Variants in EPS15 observed in about 807,000 individuals in gnomAD.
EPS15 encodes epidermal growth factor receptor pathway substrate 15, also known as epidermal growth factor receptor substrate 15.
Under a neutral mutation model 113.8 loss-of-function variants are expected in EPS15, and 72 were observed. The ratio of observed to expected loss-of-function variants is 0.63; its 90% CI spans 0.52 to 0.77. The LOEUF is 0.77. Ranked by LOEUF, EPS15 falls within the 30% of genes least tolerant of loss-of-function variation. The pLI is 0.00. For synonymous variants in EPS15, 344 were observed against 363.4 expected, an observed-to-expected ratio of 0.95 and a Z score of 0.61; for missense variants, 1,048 against 1,045.8, an observed-to-expected ratio of 1.00 and a Z score of -0.03.
At position 51,446,969 on chromosome 1, in the gene EPS15, G is replaced by A; in HGVS notation, c.788C>T (p.Ala263Val). ...LKTGLPSTLL[A>V]HIWSLCDTKD... The stretch of plus-strand genomic sequence containing the variant: ...TCAAATAAAGTCTTACCATATATGG[G>A]CTAGTAAGGTAGAAGGTAAACCTGT... Residue 263 changes from alanine (A) to valine (V), a missense_variant, in exon 10 of 25, where the codon GCC (alanine) becomes GTC (valine). Coordinates refer to ENST00000371733, the MANE Select transcript of EPS15 (RefSeq NM_001981.3). The A allele has an allele frequency of 6.2e-7, 1 of 1,609,976 alleles. No homozygotes were observed. Among genetic ancestry groups the A allele is most frequent in the Non-Finnish European group, 8.5e-7 (1 of 1,177,272 alleles).
At chr1:51,382,028 G>A (rs1360313065) in intron 21 of EPS15, among the ~76,000 whole-genome samples, 1 of 151,982 alleles carries the variant, frequency 6.6e-6, no homozygotes, top group Non-Finnish European at 1.5e-5. Flanking sequence ...TCTTTGAAAA[G>A]ATCAACAAAA....
chr1:51,409,724 AT>A, intron 13 of EPS15, 28 bp from the exon 14 acceptor site: 1 of 1,533,586 alleles, frequency 6.5e-7, no homozygotes, highest in Non-Finnish European at 8.9e-7. Flanking sequence ...TAATATATTT[AT>A]TTTCTTTGCG....
In EPS15 at chr1:51,469,065, G is replaced by C. The variant is rs113768665; in HGVS notation, c.214-497C>G. Among the ~76,000 whole-genome samples, 1,078 of 152,256 alleles carry C rather than the reference G, an allele frequency of 7.1e-3. 7 individuals carry two copies. Among genetic ancestry groups the C allele is most frequent in the African/African-American group, 0.025 (1,036 of 41,544 alleles). Reference sequence around the variant, plus strand: ...GAATCACTTGAACATGGAAGGCAGAGGTTGCAGTGAGCCGAGATCGGGCTA... The same window carrying C: ...GAATCACTTGAACATGGAAGGCAGACGTTGCAGTGAGCCGAGATCGGGCTA... On this transcript the variant is annotated intron_variant, in intron 4 of 24. Coordinates refer to ENST00000371733, the MANE Select transcript of EPS15 (RefSeq NM_001981.3).
chr1:51,495,554 AT>A (rs1352448232), intron 1 of EPS15, among the ~76,000 whole-genome samples: 1 of 152,102 alleles, frequency 6.6e-6, no homozygotes, highest in Admixed American at 6.5e-5. Flanking sequence ...TTTCAAAAAA[AT>A]CAAGTGTAAT....
chr1:51,497,697 T>C (rs1644348159), intron 1 of EPS15, among the ~76,000 whole-genome samples: 1 of 152,072 alleles, frequency 6.6e-6, no homozygotes, highest in South Asian at 2.1e-4. Flanking sequence ...AAAATTTTAG[T>C]GTGAGGTACC....
At chr1:51,500,918 A>G (rs1042185336) in intron 1 of EPS15, among the ~76,000 whole-genome samples, 23 of 151,578 alleles carry the variant, frequency 1.5e-4, no homozygotes, top group African/African-American at 5.6e-4. Flanking sequence ...CGGGAGGTGG[A>G]GGCTGAAGTG....
chr1:51,370,116 C>A (rs1279170562), intron 21 of EPS15, among the ~76,000 whole-genome samples: 1 of 152,084 alleles, frequency 6.6e-6, no homozygotes, highest in African/African-American at 2.4e-5. Context: ...TGATGGTGGC[C>A]CAGTAAGATT....
intron 12 of EPS15, among the ~76,000 whole-genome samples, chr1:51,426,172 CCTT>C (rs1651182334): frequency 6.6e-6 from 1 of 151,836 alleles, no homozygotes; most frequent in African/African-American, 2.4e-5. Context: ...GACTCTCTCT[CCTT>C]CTAGGGTTCA....
At chr1:51,385,422 A>T (rs1281117505) in intron 21 of EPS15, among the ~76,000 whole-genome samples, 1 of 152,244 alleles carries the variant, frequency 6.6e-6, no homozygotes, top group African/African-American at 2.4e-5. Context: ...GTTGGCAAAG[A>T]TGTGGAAATA....
chr1:51,460,407 T>C (rs1405233977), intron 8 of EPS15, among the ~76,000 whole-genome samples: 1 of 152,182 alleles, frequency 6.6e-6, no homozygotes, highest in Admixed American at 6.5e-5. Flanking sequence ...GAAACTCAAG[T>C]GTTATTCATG....
intron 1 of EPS15, among the ~76,000 whole-genome samples, chr1:51,515,151 A>G (rs572951529): frequency 6.6e-6 from 1 of 152,294 alleles, no homozygotes; most frequent in East Asian, 1.9e-4. Flanking sequence ...TAATACAGTT[A>G]TATCACTCTT....
intron 2 of EPS15, among the ~76,000 whole-genome samples, chr1:51,478,026 A>G (rs1643945583): frequency 6.6e-6 from 1 of 152,084 alleles, no homozygotes; most frequent in South Asian, 2.1e-4. Flanking sequence ...TGTCTGTCTC[A>G]CTGATCTGAC....
intron 21 of EPS15, among the ~76,000 whole-genome samples, chr1:51,377,580 A>C (rs978921855): frequency 2.6e-5 from 4 of 152,356 alleles, no homozygotes; most frequent in Non-Finnish European, 5.9e-5. Flanking sequence ...TGTTAAAATG[A>C]GAACAATGGA....
Position 51,369,799 on chromosome 1 carries a change from C to A in EPS15, c.2120-3770G>T, listed in dbSNP as rs114003416. 3.8e-3 allele frequency among the ~76,000 whole-genome samples: 571 copies of A among 152,266 alleles called. 6 individuals carry two copies. The highest frequency in any genetic ancestry group is 0.013 in the African/African-American group (554 of 41,548). On this transcript the variant is annotated intron_variant, in intron 21 of 24. Transcript: ENST00000371733. ...ATATATTTGTTCATTGCCTATCTTTCTTATACAAACTCTATGAAGACAGGA... is the reference window on the plus strand; with the variant it reads ...ATATATTTGTTCATTGCCTATCTTTATTATACAAACTCTATGAAGACAGGA...
chr1:51,477,810 T>C (rs1306834564), intron 2 of EPS15, among the ~76,000 whole-genome samples: 1 of 152,238 alleles, frequency 6.6e-6, no homozygotes, highest in Admixed American at 6.5e-5. Context: ...TGCACTGTGG[T>C]CTGAGAGACA....
At chr1:51,365,469 C>T (rs1410321741) in intron 22 of EPS15, among the ~76,000 whole-genome samples, 1 of 152,210 alleles carries the variant, frequency 6.6e-6, no homozygotes, top group Non-Finnish European at 1.5e-5. Context: ...TTTCTCTTAG[C>T]CCGAATCAAT....
chr1:51,507,112 A>C (rs1438656222), intron 1 of EPS15, among the ~76,000 whole-genome samples: 1 of 152,174 alleles, frequency 6.6e-6, no homozygotes, highest in Admixed American at 6.5e-5. Flanking sequence ...TAAACTAAAA[A>C]TTCACTCATT....
At chr1:51,464,008 C>G (rs1202818280) in intron 6 of EPS15, among the ~76,000 whole-genome samples, 1 of 152,066 alleles carries the variant, frequency 6.6e-6, no homozygotes. Context: ...TGACTTTACC[C>G]AAGAGTCTGG....
At chr1:51,409,199 G>C (rs924615621) in intron 14 of EPS15, among the ~76,000 whole-genome samples, 1 of 152,142 alleles carries the variant, frequency 6.6e-6, no homozygotes, top group African/African-American at 2.4e-5. Flanking sequence ...TGGGATTACA[G>C]GTGTGAGCCA....
Sources: gnomAD v4.1 joint callset for allele counts (sites outside exome capture counted in the v4.1 genomes callset) on GRCh38, gnomAD v4.1.1 for gene constraint, MANE v1.5 for transcripts, NCBI Gene and HGNC (gene_info 2026-07-23, HGNC 2026-07-21) for gene names.